SLC24A3: variants seen among roughly 807,000 people sequenced by gnomAD.
SLC24A3 encodes solute carrier family 24 member 3.
SLC24A3 carries 28 observed loss-of-function variants against 75.8 expected under a neutral mutation model. The ratio of observed to expected loss-of-function variants is 0.37; its 90% CI spans 0.27 to 0.51. The LOEUF (loss-of-function observed/expected upper bound fraction) is 0.51, where lower values mean the gene tolerates loss of function less well. Among genes scored for constraint, SLC24A3 ranks in the 20% least tolerant of loss-of-function variants. SLC24A3 has a pLI of 0.94. For synonymous variants in SLC24A3, 372 were observed against 334.1 expected (o/e 1.11, Z -1.24); for missense variants, 663 against 847.8 (o/e 0.78, Z 2.71).
chr20:19,534,329 G>A (rs1475148784), intron 3 of SLC24A3, among the ~76,000 whole-genome samples: 1 of 152,234 alleles, frequency 6.6e-6, no homozygotes, highest in East Asian at 1.9e-4. Context: ...GGCAATCTGA[G>A]ACCAAGAGAG....
intron 1 of SLC24A3, among the ~76,000 whole-genome samples, chr20:19,222,783 C>CCCTCCCCTCCTTCCTTCCTTCCTT (rs759160442): frequency 1.3e-5 from 1 of 75,804 alleles, no homozygotes; most frequent in African/African-American, 5.3e-5. Context: ...TCCCCTCCCT[C>CCCTCCCCTCCTTCCTTCCTTCCTT]CCTTCCTTCC....
chr20:19,305,260 G>C (rs1032376350), intron 2 of SLC24A3, among the ~76,000 whole-genome samples: 4 of 152,278 alleles, frequency 2.6e-5, no homozygotes, highest in South Asian at 4.1e-4. Context: ...GAGGATGGTT[G>C]CTTCCTGTGT....
At chr20:19,574,977 C>T (rs573481637) in intron 3 of SLC24A3, among the ~76,000 whole-genome samples, 109 of 152,158 alleles carry the variant, frequency 7.2e-4, no homozygotes, top group Middle Eastern at 3.4e-3. Context: ...AGGCCAGCTG[C>T]GGTGGCTCAC....
chr20:19,570,867 G>A (rs1257872982), intron 3 of SLC24A3, among the ~76,000 whole-genome samples: 2 of 152,138 alleles, frequency 1.3e-5, no homozygotes, highest in South Asian at 2.1e-4. Context: ...TGCATCCTTA[G>A]CAAACTCACG....
intron 6 of SLC24A3, among the ~76,000 whole-genome samples, chr20:19,626,548 A>G (rs1339457170): frequency 6.6e-6 from 1 of 152,220 alleles, no homozygotes; most frequent in African/African-American, 2.4e-5. Flanking sequence ...TCTTGGTCCT[A>G]TTCTCCTGGG....
chr20:19,223,591 G>A, intron 1 of SLC24A3, among the ~76,000 whole-genome samples: 1 of 151,974 alleles, frequency 6.6e-6, no homozygotes, highest in East Asian at 1.9e-4. Context: ...TTAGAAATTA[G>A]GCACAGTAAG....
intron 2 of SLC24A3, among the ~76,000 whole-genome samples, chr20:19,394,589 G>T (rs1419766360): frequency 6.6e-6 from 1 of 152,096 alleles, no homozygotes; most frequent in East Asian, 1.9e-4. Flanking sequence ...TGTACAAGTG[G>T]CCGACAAGTG....
rs558878200 is a variant in SLC24A3, at chr20:19,379,248, A to G, written c.271+98161A>G. On this transcript the variant is annotated intron_variant, in intron 2 of 16. Transcript: ENST00000328041. ...GTTCAGAGCCTCCCCTAAGTCTGGC[A>G]CTGTACTAGGAGCTGGGGGCACCCT... is the stretch of plus-strand genomic sequence containing the variant. Among the ~76,000 whole-genome samples, 19 of 152,246 alleles carry G rather than the reference A, an allele frequency of 1.2e-4. No homozygotes were observed. In the South Asian group the frequency reaches 1.9e-3, roughly 15 times the overall value.
intron 2 of SLC24A3, among the ~76,000 whole-genome samples, chr20:19,328,278 C>A (rs747540050): frequency 6.6e-5 from 10 of 151,132 alleles, no homozygotes; most frequent in Non-Finnish European, 1.3e-4. Flanking sequence ...CTCTTAGGGT[C>A]TTGGGGGCTG....
intron 2 of SLC24A3, among the ~76,000 whole-genome samples, chr20:19,342,853 G>A (rs995573003): frequency 1.3e-5 from 2 of 152,046 alleles, no homozygotes; most frequent in Admixed American, 1.3e-4. Context: ...GGAGGATCAC[G>A]AGGTGAGGAG....
intron 9 of SLC24A3, 58 bp downstream of exon 9, chr20:19,673,712 A>G: frequency 6.9e-7 from 1 of 1,450,280 alleles, no homozygotes; most frequent in Non-Finnish European, 9.7e-7. Flanking sequence ...ACATTATGTG[A>G]TGATGTGGGA....
chr20:19,325,777 CATATATAT>C (rs1164485509), intron 2 of SLC24A3, among the ~76,000 whole-genome samples: 1 of 58,408 alleles, frequency 1.7e-5, no homozygotes, highest in Non-Finnish European at 3.1e-5. Flanking sequence ...TATATATATA[CATATATAT>C]ATATATATAT....
intron 2 of SLC24A3, among the ~76,000 whole-genome samples, chr20:19,482,823 C>T (rs538036784): frequency 1.6e-4 from 25 of 152,276 alleles, no homozygotes; most frequent in African/African-American, 6.0e-4. Context: ...CTCTTGGAGA[C>T]AGTTTGAGGA....
chr20:19,388,749 A>T (rs191257803), intron 2 of SLC24A3, among the ~76,000 whole-genome samples: 1 of 152,030 alleles, frequency 6.6e-6, no homozygotes, highest in East Asian at 1.9e-4. Context: ...CCATCTTTTC[A>T]CTTTCAGCCT....
At chr20:19,386,216 G>A (rs1319289535) in intron 2 of SLC24A3, among the ~76,000 whole-genome samples, 1 of 152,046 alleles carries the variant, frequency 6.6e-6, no homozygotes, top group Non-Finnish European at 1.5e-5. Flanking sequence ...TTCTTTCTCA[G>A]ATAGTTTGTT....
At chr20:19,665,822 T>C in intron 7 of SLC24A3, 42 bp from the exon 8 acceptor site, 1 of 1,544,778 alleles carries the variant, frequency 6.5e-7, no homozygotes, top group Non-Finnish European at 8.8e-7. Flanking sequence ...TGTGTGTGTG[T>C]GTGTGTGTGT....
intron 1 of SLC24A3, among the ~76,000 whole-genome samples, chr20:19,268,552 G>A (rs997670728): frequency 2.0e-5 from 3 of 152,204 alleles, no homozygotes; most frequent in African/African-American, 7.2e-5. Context: ...TCGGGCTAAA[G>A]TGATTCAACT....
chr20:19,679,534 G>T (rs1464276650), intron 9 of SLC24A3, among the ~76,000 whole-genome samples: 2 of 145,906 alleles, frequency 1.4e-5, no homozygotes, highest in Non-Finnish European at 3.0e-5. Flanking sequence ...GGGAGACCGT[G>T]GGGAGGGGGA....
At chr20:19,647,941 A>AT (rs2032158199) in intron 6 of SLC24A3, among the ~76,000 whole-genome samples, 1 of 152,168 alleles carries the variant, frequency 6.6e-6, no homozygotes, top group South Asian at 2.1e-4. Flanking sequence ...TAAAATGTGA[A>AT]TTTATTTTGT....
Sources: allele counts gnomAD v4.1 joint callset (sites outside exome capture counted in the v4.1 genomes callset), GRCh38; gene constraint gnomAD v4.1.1; transcripts MANE v1.5; gene names NCBI Gene and HGNC (gene_info 2026-07-23, HGNC 2026-07-21).